LRRK1: variants seen among roughly 807,000 people sequenced by gnomAD.
LRRK1 encodes the protein leucine-rich repeat serine/threonine-protein kinase 1.
In LRRK1, 113 loss-of-function variants were observed where a neutral mutation model predicts 209.1. That is an observed-to-expected ratio of 0.54 (90% CI 0.46 to 0.63). The LOEUF is 0.63. LRRK1 is among the 30% of genes least tolerant of loss of function. The pLI is 0.00. For synonymous variants in LRRK1, 1,144 were observed against 1,099.7 expected (o/e 1.04, Z -0.80); for missense variants, 2,284 against 2,632.2 (o/e 0.87, Z 2.89).
chr15:100,952,822 G>A lies in LRRK1; in HGVS notation c.98-20982G>A, dbSNP rs191736358. ...GGCTGCCTCCAGGTTTTAAGTCTGC[G>A]TCATAAAGCTTACATCTTACTTGGG... On this transcript the variant is annotated intron_variant, in intron 2 of 33. Coordinates refer to ENST00000388948, the MANE Select transcript of LRRK1 (RefSeq NM_024652.6). Among the ~76,000 whole-genome samples the A allele has an allele frequency of 7.3e-4, 111 of 152,220 alleles. No homozygotes were observed. In the Middle Eastern group the frequency reaches 0.01, roughly 14 times the overall value.
intron 2 of LRRK1, among the ~76,000 whole-genome samples, chr15:100,938,124 G>T (rs1036205674): frequency 5.9e-5 from 9 of 151,854 alleles, no homozygotes; most frequent in African/African-American, 2.2e-4. Flanking sequence ...CTCCCAAGGT[G>T]CTGGGATTAC....
rs534437703 is a variant in LRRK1 at position 100,929,354 on chromosome 15, A to G, written c.97+4625A>G. Among the ~76,000 whole-genome samples, 21 of 152,242 alleles carry G rather than the reference A, an allele frequency of 1.4e-4. No individual in the cohort carries two copies. In the South Asian group the frequency reaches 4.2e-3, roughly 30 times the overall value. On this transcript the variant is annotated intron_variant, in intron 2 of 33. Coordinates refer to ENST00000388948, the MANE Select transcript of LRRK1 (RefSeq NM_024652.6). ...TCACACACCTCTCAGAGCACTGCCC[A>G]CCACCGGACCCAGCATGGACCAAAG...
chr15:101,054,380 T>C (rs1276525332), intron 26 of LRRK1, among the ~76,000 whole-genome samples: 1 of 152,208 alleles, frequency 6.6e-6, no homozygotes, highest in Admixed American at 6.5e-5. Flanking sequence ...ATGCCAGCAA[T>C]TCCAGGAATA....
intron 12 of LRRK1, among the ~76,000 whole-genome samples, chr15:101,018,357 G>T (rs930847): frequency 0.68 from 103,079 of 152,048 alleles, 37,305 homozygotes; most frequent in South Asian, 0.85. Flanking sequence ...AAGAGCCTTA[G>T]GACTGTAGAA....
At chr15:100,935,307 C>T (rs2042282208) in intron 2 of LRRK1, among the ~76,000 whole-genome samples, 1 of 152,146 alleles carries the variant, frequency 6.6e-6, no homozygotes, top group Non-Finnish European at 1.5e-5. Context: ...GTGGCATTTA[C>T]ACAGAATGAA....
intron 2 of LRRK1, among the ~76,000 whole-genome samples, chr15:100,930,946 TAAG>T (rs1481672190): frequency 2.0e-5 from 3 of 152,206 alleles, no homozygotes; most frequent in Non-Finnish European, 4.4e-5. Flanking sequence ...TGAATGAAAA[TAAG>T]AAGCTGCTAT....
rs771719828 is a variant in LRRK1, at chr15:101,028,905, C to G, written c.2687-51C>G. On this transcript the variant is annotated intron_variant, in intron 19 of 33. Transcript: ENST00000388948. ...TGGAAAGAGGGCCACCCCAGAGTCC[C>G]TTTCGCTCCTTTGTCTAACTGCTGC... 36 of 1,592,112 alleles carry G rather than the reference C, an allele frequency of 2.3e-5. No homozygotes were observed. The South Asian group carries it at 4.0e-4, about 18-fold the overall frequency.
intron 13 of LRRK1, 195 bp from the exon 14 acceptor site, chr15:101,021,650 G>A (rs775539522): frequency 2.1e-5 from 12 of 567,492 alleles, no homozygotes; most frequent in Non-Finnish European, 3.7e-5. Context: ...ATTTGCAGAA[G>A]ACAGAGCTGC....
At chr15:101,009,182 GAGA>G in intron 7 of LRRK1, 119 bp downstream of exon 7, 3 of 798,754 alleles carry the variant, frequency 3.8e-6, no homozygotes, top group Admixed American at 2.5e-5. Flanking sequence ...GCTAAAATAG[GAGA>G]AGGAGTTTTG....
intron 3 of LRRK1, among the ~76,000 whole-genome samples, chr15:100,977,993 T>C (rs1364712597): frequency 6.6e-6 from 1 of 151,738 alleles, no homozygotes; most frequent in African/African-American, 2.4e-5. Context: ...TTGAAACAAA[T>C]GGAGTAATAG....
chr15:100,955,468 T>C (rs2042733560), intron 2 of LRRK1, among the ~76,000 whole-genome samples: 1 of 152,180 alleles, frequency 6.6e-6, no homozygotes, highest in African/African-American at 2.4e-5. Context: ...ACTTCTTCTT[T>C]TCTTATTTGG....
rs1281562945 is a variant in LRRK1 at position 101,024,725 on chromosome 15, T to C, written c.2068-78T>C. On this transcript the variant is annotated intron_variant, in intron 15 of 33. Coordinates refer to ENST00000388948, the MANE Select transcript of LRRK1 (RefSeq NM_024652.6). This position sits in a 1 kb window ranked among gnomAD's most constrained non-coding sequence, Gnocchi z 4.6. Reference sequence around the variant, plus strand: ...GACCCCCGAGTCCAGCCTCCAGAGTTATCCGTTGTCTCCGTTTGATTGACT... The same window carrying C: ...GACCCCCGAGTCCAGCCTCCAGAGTCATCCGTTGTCTCCGTTTGATTGACT... The C allele has an allele frequency of 2.6e-5, 38 of 1,476,724 alleles. No homozygotes were observed. Among genetic ancestry groups the C allele is most frequent in the Non-Finnish European group, 3.5e-5 (38 of 1,074,878 alleles). The allele number at this position is 1,476,724 out of a possible 1,614,324, so 91.5% of individuals were successfully genotyped here.
chr15:100,938,747 G>A (rs539634342), intron 2 of LRRK1, among the ~76,000 whole-genome samples: 4 of 152,288 alleles, frequency 2.6e-5, no homozygotes, highest in African/African-American at 9.6e-5. Flanking sequence ...GCCCACAATA[G>A]CATGCTGTTG....
intron 10 of LRRK1, among the ~76,000 whole-genome samples, chr15:101,012,824 C>T (rs2141697228): frequency 6.6e-6 from 1 of 152,282 alleles, no homozygotes; most frequent in African/African-American, 2.4e-5. Flanking sequence ...AGGCTCCTGA[C>T]AAGCACAGGG....
chr15:101,027,550 C>T lies in LRRK1; in HGVS notation c.2527-88C>T, dbSNP rs1418373834. 2.6e-6 allele frequency: 4 copies of T among 1,538,898 alleles called. No individual in the cohort carries two copies. Among genetic ancestry groups the T allele is most frequent in the South Asian group, 2.4e-5 (2 of 83,174 alleles). On this transcript the variant is annotated intron_variant, in intron 18 of 33. Coordinates refer to ENST00000388948, the MANE Select transcript of LRRK1 (RefSeq NM_024652.6). The surrounding 1 kb of genome is among the most constrained non-coding windows in gnomAD (Gnocchi z 5.1). ...AGTGGGTGGAAACGTCCCACCCCCT[C>T]AGGCCACAGGGGCCGGGCAGGATCT...
At chr15:100,987,417 T>C (rs931257330) in intron 4 of LRRK1, among the ~76,000 whole-genome samples, 12 of 152,194 alleles carry the variant, frequency 7.9e-5, no homozygotes, top group Non-Finnish European at 1.3e-4. Context: ...CTTGAAGATA[T>C]TGTAACATTT....
intron 20 of LRRK1, among the ~76,000 whole-genome samples, 163 bp downstream of exon 20, chr15:101,029,395 G>C (rs1217016567): frequency 6.6e-6 from 1 of 152,102 alleles, no homozygotes; most frequent in African/African-American, 2.4e-5. Context: ...TGCCGGGCCT[G>C]GGTCAGCAGG....
rs145721827 is a variant in LRRK1, at chr15:101,058,195, G to A, written c.4679+54G>A. The A allele has an allele frequency of 4.5e-3, 7,034 of 1,568,404 alleles. 29 individuals are homozygous for A. Among genetic ancestry groups the A allele is most frequent in the Non-Finnish European group, 5.5e-3 (6,278 of 1,144,600 alleles). ...TTTGTATTTGGGGTGGGAGGCCGCC[G>A]TGGAATCTGGGAACACAGTCGATGT... On this transcript the variant is annotated intron_variant, in intron 29 of 33. Transcript: ENST00000388948.
In LRRK1 at chr15:101,077,552, C is replaced by T. The variant is rs886609000; in HGVS notation, c.*8704C>T. The T allele has an allele frequency of 6.6e-6, 1 of 152,118 alleles. No individual in the cohort carries two copies. 9.4% of individuals were successfully genotyped at this position (152,118 alleles called of 1,614,324 possible). Reference sequence around the variant, plus strand: ...ACCTGTTTTTCTCCTTTACTTATTCCGTTTAGTTTTTCAATTCATACAAAA... The same window carrying T: ...ACCTGTTTTTCTCCTTTACTTATTCTGTTTAGTTTTTCAATTCATACAAAA... On this transcript the variant is annotated 3_prime_UTR_variant, in exon 34 of 34. Coordinates refer to ENST00000388948, the MANE Select transcript of LRRK1 (RefSeq NM_024652.6).
Sources: gnomAD v4.1 joint callset for allele counts (sites outside exome capture counted in the v4.1 genomes callset) on GRCh38, gnomAD v4.1.1 for gene constraint, Gnocchi (gnomAD v3.1) non-coding constraint, MANE v1.5 for transcripts, NCBI Gene and HGNC (gene_info 2026-07-23, HGNC 2026-07-21) for gene names.